RAD51B: variants seen among roughly 807,000 people sequenced by gnomAD.
RAD51B encodes DNA repair protein RAD51 homolog 2.
RAD51B carries 38 observed loss-of-function variants against 42.2 expected under a neutral mutation model. That is an observed-to-expected ratio of 0.90 (90% CI 0.70 to 1.18). The LOEUF (loss-of-function observed/expected upper bound fraction) is 1.18. RAD51B is among the 50% of genes most tolerant of loss of function. The pLI is 0.00. For synonymous variants in RAD51B, 154 were observed against 145.2 expected, an observed-to-expected ratio of 1.06 and a Z score of -0.43; for missense variants, 373 against 400.7, an observed-to-expected ratio of 0.93 and a Z score of 0.59.
chr14:67,930,485 G>A (rs1026292677), intron 7 of RAD51B, among the ~76,000 whole-genome samples: 39 of 152,140 alleles, frequency 2.6e-4, no homozygotes, highest in African/African-American at 7.9e-4. Context: ...TCCTTGGGTG[G>A]CAGTTTTTTT....
intron 10 of RAD51B, among the ~76,000 whole-genome samples, chr14:68,515,025 G>A (rs1176778043): frequency 6.6e-6 from 1 of 152,180 alleles, no homozygotes; most frequent in Non-Finnish European, 1.5e-5. Context: ...TCTGCTCCTG[G>A]GGAGGTGTGC....
rs915204395 is a variant in RAD51B, at chr14:68,625,592, C to T, written c.1037-25189C>T. Among the ~76,000 whole-genome samples, 4 of 152,194 alleles carry T rather than the reference C, an allele frequency of 2.6e-5. No individual in the cohort carries two copies. The South Asian group carries it at 6.2e-4, about 24-fold the overall frequency. ...GACCCAAGCCATCCTCCCTCTTTGG[C>T]CTCCCGAGTAGCTGGGCCCACAGAA... On this transcript the variant is annotated intron_variant, in intron 10 of 11. Coordinates refer to the RAD51B transcript ENST00000488612.
At chr14:68,491,876 G>A (rs758525564) in intron 10 of RAD51B, among the ~76,000 whole-genome samples, 12 of 152,152 alleles carry the variant, frequency 7.9e-5, no homozygotes, top group South Asian at 2.1e-4. Flanking sequence ...CATGCCATTC[G>A]TCTGCTCAAA....
intron 7 of RAD51B, among the ~76,000 whole-genome samples, chr14:67,951,973 T>C (rs1315000147): frequency 6.9e-6 from 1 of 145,356 alleles, no homozygotes; most frequent in Non-Finnish European, 1.5e-5. Flanking sequence ...TTCCAAATGC[T>C]ATTAGAACCA....
At chr14:68,346,384 C>T (rs982659943) in intron 8 of RAD51B, among the ~76,000 whole-genome samples, 51 of 152,326 alleles carry the variant, frequency 3.3e-4, no homozygotes, top group Non-Finnish European at 1.0e-4. Flanking sequence ...TATTTCTTTG[C>T]ATGGTGAATA....
intron 4 of RAD51B, among the ~76,000 whole-genome samples, chr14:67,861,898 TA>T (rs2042176112): frequency 6.6e-6 from 1 of 152,084 alleles, no homozygotes; most frequent in South Asian, 2.1e-4. Context: ...TATGAAAATT[TA>T]TCTGCACTCT....
chr14:67,901,227 T>C (rs2043601957), intron 7 of RAD51B, among the ~76,000 whole-genome samples: 1 of 152,282 alleles, frequency 6.6e-6, no homozygotes, highest in Admixed American at 6.5e-5. Context: ...TACCCGTGAG[T>C]GCCTAAGCGA....
At chr14:68,504,874 T>C (rs1326564441) in intron 10 of RAD51B, among the ~76,000 whole-genome samples, 2 of 152,120 alleles carry the variant, frequency 1.3e-5, no homozygotes, top group African/African-American at 4.8e-5. Context: ...TCATTTCTTG[T>C]TCTTAATTTC....
At chr14:67,988,189 G>A (rs1177624291) in intron 7 of RAD51B, among the ~76,000 whole-genome samples, 1 of 152,112 alleles carries the variant, frequency 6.6e-6, no homozygotes, top group Non-Finnish European at 1.5e-5. Context: ...GGCTAGGTGC[G>A]GTCGTTCACG....
At chr14:68,512,137 TATC>T (rs1408075767) in intron 10 of RAD51B, among the ~76,000 whole-genome samples, 1 of 152,154 alleles carries the variant, frequency 6.6e-6, no homozygotes, top group Non-Finnish European at 1.5e-5. Flanking sequence ...GAGTGCGAAA[TATC>T]ATTGTCAGAT....
At chr14:68,567,345 G>T (rs1416694947) in intron 10 of RAD51B, among the ~76,000 whole-genome samples, 1 of 152,032 alleles carries the variant, frequency 6.6e-6, no homozygotes, top group Non-Finnish European at 1.5e-5. Flanking sequence ...AGTGGTTTTA[G>T]GTTCATAGCA....
At chr14:68,120,630 A>G (rs965560568) in intron 7 of RAD51B, among the ~76,000 whole-genome samples, 1 of 152,134 alleles carries the variant, frequency 6.6e-6, no homozygotes, top group African/African-American at 2.4e-5. Context: ...TTCTGCTTCA[A>G]GGTGGGTTTT....
downstream of RAD51B, among the ~76,000 whole-genome samples, chr14:68,480,043 T>C (rs1275532563): frequency 1.3e-5 from 2 of 152,170 alleles, no homozygotes; most frequent in Non-Finnish European, 2.9e-5. Context: ...AATAAATTTT[T>C]ATGCTTTTCT....
At chr14:68,674,300 G>A (rs1354086329) in intron 11 of RAD51B, among the ~76,000 whole-genome samples, 3 of 151,876 alleles carry the variant, frequency 2.0e-5, no homozygotes, top group East Asian at 1.9e-4. Flanking sequence ...ATATACACAC[G>A]TGTTTTCCTC....
chr14:68,100,348 T>C (rs1430939420), intron 7 of RAD51B, among the ~76,000 whole-genome samples: 1 of 152,160 alleles, frequency 6.6e-6, no homozygotes, highest in Admixed American at 6.5e-5. Flanking sequence ...TCTAATTTTA[T>C]TTATTTAAAT....
rs2081310792 is a variant in RAD51B at position 68,281,050 on chromosome 14, C to T, written c.757-10834C>T. Among the ~76,000 whole-genome samples, 5 of 149,526 alleles carry T rather than the reference C, an allele frequency of 3.3e-5. No individual in the cohort carries two copies. The South Asian group carries it at 1.1e-3, about 32-fold the overall frequency. The stretch of plus-strand genomic sequence containing the variant: ...TTAGTCTGGATGGCAGAGCAAGAGC[C>T]TGTCTCAAAAAAAAATGAAAAAAAA... On this transcript the variant is annotated intron_variant, in intron 7 of 10. Coordinates refer to ENST00000471583, the MANE Select transcript of RAD51B (RefSeq NM_133510.4).
intron 8 of RAD51B, among the ~76,000 whole-genome samples, chr14:68,350,374 T>G (rs1359251959): frequency 6.6e-6 from 1 of 152,230 alleles, no homozygotes; most frequent in African/African-American, 2.4e-5. Context: ...AGTTTTGACT[T>G]TCATGCTTAC....
chr14:68,630,720 C>A (rs1467891914), intron 10 of RAD51B, among the ~76,000 whole-genome samples: 1 of 151,570 alleles, frequency 6.6e-6, no homozygotes, highest in Non-Finnish European at 1.5e-5. Context: ...CGGGCACATC[C>A]TTTTTTTCGT....
chr14:67,830,210 A>T (rs1447649265), intron 3 of RAD51B, among the ~76,000 whole-genome samples: 3 of 152,188 alleles, frequency 2.0e-5, no homozygotes, highest in African/African-American at 7.2e-5. Flanking sequence ...AACTCATAAA[A>T]GGGTATACTG....
Sources: gnomAD v4.1 joint callset for allele counts (sites outside exome capture counted in the v4.1 genomes callset) on GRCh38, gnomAD v4.1.1 for gene constraint, MANE v1.5 for transcripts, NCBI Gene and HGNC (gene_info 2026-07-23, HGNC 2026-07-21) for gene names.